Variants in NELL1 observed in about 807,000 individuals in gnomAD.
The protein encoded by NELL1 is protein kinase C-binding protein NELL1.
Under a neutral mutation model 107.4 loss-of-function variants are expected in NELL1, and 76 were observed. The observed-to-expected ratio is 0.71, with a 90% CI of 0.59 to 0.86. NELL1 has a LOEUF of 0.86. NELL1 is among the 40% of genes least tolerant of loss of function. NELL1 has a pLI of 0.00. For synonymous variants in NELL1, 353 were observed against 341.2 expected (o/e 1.03, Z -0.38); for missense variants, 1,024 against 1,005.5 (o/e 1.02, Z -0.25).
chr11:21,552,193 C>T (rs576628858), intron 16 of NELL1, among the ~76,000 whole-genome samples: 226 of 149,666 alleles, frequency 1.5e-3, no homozygotes, highest in African/African-American at 3.4e-3. Context: ...TGCTAAATGA[C>T]GAGTTAATGG....
chr11:21,537,410 C>G (rs1856166124), intron 16 of NELL1, among the ~76,000 whole-genome samples: 1 of 152,048 alleles, frequency 6.6e-6, no homozygotes, highest in Non-Finnish European at 1.5e-5. Flanking sequence ...AAAGCTCATT[C>G]CAATTTCAGG....
At chr11:20,984,395 A>G (rs1263171719) in intron 12 of NELL1, among the ~76,000 whole-genome samples, 2 of 152,106 alleles carry the variant, frequency 1.3e-5, no homozygotes, top group African/African-American at 4.8e-5. Flanking sequence ...CAGTTACTTG[A>G]ATTGTCTGGA....
rs115662880 is a variant in NELL1, at chr11:21,368,021, C to T, written c.1550-2832C>T. Among the ~76,000 whole-genome samples, 1,277 of 152,178 alleles carry T rather than the reference C, an allele frequency of 8.4e-3. 11 individuals are homozygous for T. Among genetic ancestry groups the T allele is most frequent in the African/African-American group, 0.029 (1,194 of 41,526 alleles). ...CATATATGAATAATCCGTGCACAAT[C>T]TTTAGACTAAGATACATCAGTATTT... On this transcript the variant is annotated intron_variant, in intron 14 of 19. Transcript: ENST00000357134.
chr11:21,337,875 T>TTCTTTC (rs1850470739), intron 14 of NELL1, among the ~76,000 whole-genome samples: 1 of 149,186 alleles, frequency 6.7e-6, no homozygotes, highest in Non-Finnish European at 1.5e-5. Context: ...CTTTCTTTCT[T>TTCTTTC]TCTTTCTTTC....
chr11:21,130,212 T>C (rs995352080), intron 13 of NELL1, among the ~76,000 whole-genome samples: 1 of 152,118 alleles, frequency 6.6e-6, no homozygotes, highest in Non-Finnish European at 1.5e-5. Context: ...AATCAGCCCT[T>C]CTCTATCCTG....
chr11:20,748,567 C>T (rs1856055479), intron 2 of NELL1, among the ~76,000 whole-genome samples: 2 of 152,072 alleles, frequency 1.3e-5, no homozygotes, highest in South Asian at 4.2e-4. Context: ...TCCCACCCTT[C>T]TGCCTTCTCA....
intron 4 of NELL1, among the ~76,000 whole-genome samples, chr11:20,877,134 G>A (rs2134095557): frequency 6.6e-6 from 1 of 152,266 alleles, no homozygotes; most frequent in Admixed American, 6.5e-5. Context: ...TTCTGTATAG[G>A]AAAATTTCTC....
intron 12 of NELL1, among the ~76,000 whole-genome samples, chr11:21,059,539 A>G (rs1429624802): frequency 6.6e-6 from 1 of 152,134 alleles, no homozygotes; most frequent in Non-Finnish European, 1.5e-5. Flanking sequence ...CTGGTATAAT[A>G]TTTTATTTCA....
At position 20,981,724 on chromosome 11, in the gene NELL1, G is replaced by A. The variant is rs369948953; in HGVS notation, c.1300+21164G>A. Among the ~76,000 whole-genome samples the A allele has an allele frequency of 2.7e-5, 4 of 150,590 alleles. No homozygotes were observed. The East Asian group carries it at 7.9e-4, about 30-fold the overall frequency. On this transcript the variant is annotated intron_variant, in intron 12 of 19. Coordinates refer to ENST00000357134, the MANE Select transcript of NELL1 (RefSeq NM_006157.5). Reference sequence around the variant, plus strand: ...CAATAAGCTAAGAAAGTGTAGATGTGTGGTAGATTCATTAAAATAAGGAAC... The same window carrying A: ...CAATAAGCTAAGAAAGTGTAGATGTATGGTAGATTCATTAAAATAAGGAAC...
chr11:20,910,106 T>G (rs2134146234), intron 5 of NELL1, among the ~76,000 whole-genome samples: 1 of 152,294 alleles, frequency 6.6e-6, no homozygotes, highest in East Asian at 1.9e-4. Flanking sequence ...CTGACTTAAC[T>G]GGGATAGTCT....
intron 12 of NELL1, among the ~76,000 whole-genome samples, chr11:21,091,229 C>T (rs1394780681): frequency 6.6e-6 from 1 of 152,130 alleles, no homozygotes; most frequent in African/African-American, 2.4e-5. Context: ...ATTTTACCCC[C>T]TCTATTTAAA....
At chr11:21,052,808 G>C (rs889495078) in intron 12 of NELL1, among the ~76,000 whole-genome samples, 13 of 152,090 alleles carry the variant, frequency 8.5e-5, no homozygotes, top group African/African-American at 2.9e-4. Context: ...TACAAGCTTG[G>C]CCTGTCTGAA....
At chr11:20,712,577 T>C (rs1855140327) in intron 2 of NELL1, among the ~76,000 whole-genome samples, 1 of 152,182 alleles carries the variant, frequency 6.6e-6, no homozygotes, top group African/African-American at 2.4e-5. Flanking sequence ...CAGAATTACT[T>C]TTTTGGTTCC....
At chr11:20,823,687 T>A (rs1857810321) in intron 3 of NELL1, among the ~76,000 whole-genome samples, 1 of 151,088 alleles carries the variant, frequency 6.6e-6, no homozygotes, top group Non-Finnish European at 1.5e-5. Context: ...TCCAGGTGAT[T>A]CTAATGCAAA....
chr11:21,018,335 G>A (rs1181684763), intron 12 of NELL1, among the ~76,000 whole-genome samples: 2 of 152,058 alleles, frequency 1.3e-5, no homozygotes, highest in East Asian at 3.9e-4. Flanking sequence ...CTTAGCCGTG[G>A]GAATTAGAGG....
chr11:21,024,383 G>T (rs551309881), intron 12 of NELL1, among the ~76,000 whole-genome samples: 159 of 152,210 alleles, frequency 1.0e-3, no homozygotes, highest in Non-Finnish European at 1.7e-3. Context: ...AAATCTGTCA[G>T]TATTTTGGCT....
At chr11:21,302,083 A>G (rs1232833849) in intron 14 of NELL1, among the ~76,000 whole-genome samples, 1 of 152,050 alleles carries the variant, frequency 6.6e-6, no homozygotes, top group Non-Finnish European at 1.5e-5. Flanking sequence ...ATCTACTGCT[A>G]CATATAAAAC....
intron 4 of NELL1, among the ~76,000 whole-genome samples, chr11:20,874,775 C>T (rs1564945065): frequency 1.3e-5 from 2 of 152,182 alleles, no homozygotes; most frequent in Non-Finnish European, 2.9e-5. Flanking sequence ...ATCTTGAGCT[C>T]AAAGTGCCTC....
rs563346208 is a variant in NELL1, at chr11:20,827,708, G to C, written c.336-19875G>C. Among the ~76,000 whole-genome samples the C allele has an allele frequency of 5.9e-4, 90 of 151,472 alleles. 3 individuals are homozygous for C. Among genetic ancestry groups the C allele is most frequent in the Non-Finnish European group, 9.8e-4 (66 of 67,608 alleles). On this transcript the variant is annotated intron_variant, in intron 3 of 19. Transcript: ENST00000357134. ...GAACTCAAGCATATGGCCACACCTAGTATTATTAGCAAGAAAGGCTGGGAA... is the reference window on the plus strand; with the variant it reads ...GAACTCAAGCATATGGCCACACCTACTATTATTAGCAAGAAAGGCTGGGAA...
Sources: gnomAD v4.1 joint callset for allele counts (sites outside exome capture counted in the v4.1 genomes callset) on GRCh38, gnomAD v4.1.1 for gene constraint, MANE v1.5 for transcripts, NCBI Gene and HGNC (gene_info 2026-07-23, HGNC 2026-07-21) for gene names.